NEIL3: variants seen among roughly 807,000 people sequenced by gnomAD.
The protein encoded by NEIL3 is nei like DNA glycosylase 3.
In NEIL3, 48 loss-of-function variants were observed where a neutral mutation model predicts 57.5. The ratio of observed to expected loss-of-function variants is 0.83; its 90% CI spans 0.66 to 1.06. The LOEUF is 1.06. NEIL3 is among the 50% of genes least tolerant of loss of function. NEIL3 has a pLI of 0.00. For missense variants in NEIL3, 717 were observed against 739.1 expected (o/e 0.97, Z 0.35); for synonymous variants, 261 against 253.2 (o/e 1.03, Z -0.29).
At chr4:177,333,424 G>C (rs1487668995) in intron 2 of NEIL3, among the ~76,000 whole-genome samples, 1 of 152,056 alleles carries the variant, frequency 6.6e-6, no homozygotes, top group Non-Finnish European at 1.5e-5. Flanking sequence ...ATTAGAACTT[G>C]GTTGCAAGTG....
rs1419739126 is a variant in NEIL3 at position 177,353,301 on chromosome 4, C to T, written c.1040-7C>T. 5.6e-6 allele frequency: 9 copies of T among 1,600,796 alleles called. No individual in the cohort carries two copies. The highest frequency in any genetic ancestry group is 6.8e-6 in the Non-Finnish European group (8 of 1,175,348). The stretch of plus-strand genomic sequence containing the variant: ...ACTATTGCAGAATTACTTCTCTCTC[C>T]TTCCAGATTCAGTGCTCAAGAGTGA... On this transcript the variant is annotated splice_polypyrimidine_tract_variant and splice_region_variant and intron_variant, in intron 7 of 9. Transcript: ENST00000264596.
In NEIL3 at chr4:177,335,849, AC is replaced by A. The variant is rs752407045; in HGVS notation, c.413+28del. 6 of 1,510,956 alleles carry A rather than the reference AC, an allele frequency of 4.0e-6. No individual in the cohort carries two copies. In the African/African-American group the frequency reaches 8.4e-5, roughly 21 times the overall value. 93.6% of individuals were successfully genotyped at this position (1,510,956 alleles called of 1,614,324 possible). A position where few individuals can be genotyped will look rare whatever the true frequency, so the allele number is the denominator to read the frequency against. On this transcript the variant is annotated intron_variant, in intron 3 of 9. Coordinates refer to ENST00000264596, the MANE Select transcript of NEIL3 (RefSeq NM_018248.3). ...TAAAAAAAATTAAATAAAAGTACTT[AC>A]GCTGCAATACTGCAGAGCTTGGTTT...
the NEIL3 span, among the ~76,000 whole-genome samples, chr4:177,370,401 A>G: frequency 3.3e-5 from 5 of 152,206 alleles, no homozygotes; most frequent in Admixed American, 6.5e-5. Flanking sequence ...TTGTAGGGTC[A>G]CATGGTTTCA....
At chr4:177,360,028 A>G (rs1735576849) in intron 8 of NEIL3, among the ~76,000 whole-genome samples, 1 of 152,204 alleles carries the variant, frequency 6.6e-6, no homozygotes, top group African/African-American at 2.4e-5. Flanking sequence ...GACAGCAGAG[A>G]GAGTGATTTC....
At chr4:177,319,278 A>G (rs1257472224) in intron 1 of NEIL3, among the ~76,000 whole-genome samples, 1 of 152,178 alleles carries the variant, frequency 6.6e-6, no homozygotes, top group East Asian at 1.9e-4. Context: ...AGGTCCAGGT[A>G]GGGAGAAGAC....
At chr4:177,322,417 G>C (rs748035551) in intron 1 of NEIL3, 42 bp from the exon 2 acceptor site, 1 of 1,546,106 alleles carries the variant, frequency 6.5e-7, no homozygotes, top group Non-Finnish European at 8.8e-7. Context: ...CTTAGAGTTT[G>C]TGTGTGTGTG....
rs995579729 is a variant in NEIL3 at position 177,336,201 on chromosome 4, T to C, written c.507T>C (p.Val169=). Residue 169 remains valine, a synonymous_variant, in exon 4 of 10, where the codon GTT becomes GTC. Transcript: ENST00000264596. ...GTTTCTTGAGAGCAGAAAGTGAAGT[T>C]AAAAAACAGAAAGGCCGGATGCTAG... ...EFSFLRAESE[V]KKQKGRMLGD... The C allele has an allele frequency of 6.2e-7, 1 of 1,613,968 alleles. No individual in the cohort carries two copies. Among genetic ancestry groups the C allele is most frequent in the African/African-American group, 1.3e-5 (1 of 74,928 alleles).
At chr4:177,364,431 CAA>C (rs1735665987), downstream of NEIL3, among the ~76,000 whole-genome samples, 2 of 152,090 alleles carry the variant, frequency 1.3e-5, no homozygotes, top group Non-Finnish European at 2.9e-5. Flanking sequence ...GTAGGCCAAC[CAA>C]AACTTCAGTA....
intron 1 of NEIL3, among the ~76,000 whole-genome samples, chr4:177,313,853 A>G (rs1419894756): frequency 2.0e-5 from 3 of 152,338 alleles, no homozygotes; most frequent in Admixed American, 6.5e-5. Flanking sequence ...AAGGTTTTGA[A>G]TAGTGCAAAG....
Position 177,362,665 on chromosome 4 carries a change from C to T in NEIL3, c.*194C>T, listed in dbSNP as rs531710574. 5.6e-5 allele frequency: 26 copies of T among 466,624 alleles called. No individual in the cohort carries two copies. The South Asian group carries it at 6.4e-4, about 11-fold the overall frequency. The allele number at this position is 466,624 out of a possible 1,614,324, so 28.9% of individuals were successfully genotyped here. A position where few individuals can be genotyped will look rare whatever the true frequency, so the allele number is the denominator to read the frequency against. On this transcript the variant is annotated 3_prime_UTR_variant, in exon 10 of 10. Transcript: ENST00000264596. The stretch of plus-strand genomic sequence containing the variant: ...ACGTCTTTTCTTTTGCCTTGATGAA[C>T]GTTCTATGTATTTCATCGGATATAC...
chr4:177,339,000 G>A (rs148714959), intron 4 of NEIL3, among the ~76,000 whole-genome samples: 54 of 152,216 alleles, frequency 3.5e-4, no homozygotes, highest in African/African-American at 1.3e-3. Flanking sequence ...TATTTTGTCA[G>A]TAATATTATC....
rs1021286177 is a variant in NEIL3, at chr4:177,349,456, T to G, written c.870-1924T>G. On this transcript the variant is annotated intron_variant, in intron 6 of 9. Transcript: ENST00000264596. ...ATCACTGCAACCTCTGCCTTTGTGG[T>G]CTCCTTGCCTTCTCTTTGGTGTGTA... 2.0e-5 allele frequency among the ~76,000 whole-genome samples: 3 copies of G among 152,102 alleles called. No individual in the cohort carries two copies. The East Asian group carries it at 5.8e-4, about 29-fold the overall frequency.
At chr4:177,356,168 G>A (rs1297712770) in intron 8 of NEIL3, among the ~76,000 whole-genome samples, 1 of 152,162 alleles carries the variant, frequency 6.6e-6, no homozygotes, top group Non-Finnish European at 1.5e-5. Flanking sequence ...GTTGTACCTA[G>A]ATGAAATATC....
chr4:177,319,352 G>C (rs1248885911), intron 1 of NEIL3, among the ~76,000 whole-genome samples: 1 of 152,160 alleles, frequency 6.6e-6, no homozygotes, highest in Non-Finnish European at 1.5e-5. Flanking sequence ...GAGCCAGTCA[G>C]GTGCACTGAG....
chr4:177,344,534 G>C (rs867091786), intron 6 of NEIL3, among the ~76,000 whole-genome samples: 1 of 151,872 alleles, frequency 6.6e-6, no homozygotes, highest in Non-Finnish European at 1.5e-5. Context: ...TTTTAATACT[G>C]ATGCTATTTA....
chr4:177,331,539 G>A (rs1734884745), intron 2 of NEIL3, among the ~76,000 whole-genome samples: 1 of 152,018 alleles, frequency 6.6e-6, no homozygotes, highest in Admixed American at 6.6e-5. Context: ...CTGTCTCATA[G>A]ATATGACATC....
chr4:177,360,890 AGAGTAT>A (rs1162780837), intron 9 of NEIL3, among the ~76,000 whole-genome samples: 8 of 152,212 alleles, frequency 5.3e-5, no homozygotes, highest in Admixed American at 4.6e-4. Context: ...TTACATTGTT[AGAGTAT>A]ATCATATTTA....
chr4:177,353,815 C>T (rs1220581360), intron 8 of NEIL3, 87 bp downstream of exon 8: 6 of 1,161,640 alleles, frequency 5.2e-6, no homozygotes, highest in Non-Finnish European at 7.4e-6. Context: ...ACCTAGGCTA[C>T]AGTGCAGTGG....
chr4:177,341,982 T>C (rs906407698), intron 6 of NEIL3, among the ~76,000 whole-genome samples: 1 of 152,164 alleles, frequency 6.6e-6, no homozygotes, highest in Non-Finnish European at 1.5e-5. Flanking sequence ...CACTTAGAAA[T>C]AATATTATAA....
Sources: allele counts gnomAD v4.1 joint callset (sites outside exome capture counted in the v4.1 genomes callset), GRCh38; gene constraint gnomAD v4.1.1; transcripts MANE v1.5; gene names NCBI Gene and HGNC (gene_info 2026-07-23, HGNC 2026-07-21).